The following CDH8 variants were observed in gnomAD, a reference collection of about 807,000 sequenced individuals.
CDH8 encodes cadherin-8.
A neutral mutation model predicts 68.1 loss-of-function variants in CDH8; 17 were observed. The observed-to-expected ratio is 0.25, with a 90% CI of 0.17 to 0.37. The LOEUF (loss-of-function observed/expected upper bound fraction) is 0.37, where lower values mean the gene tolerates loss of function less well. CDH8 is among the 10% of genes least tolerant of loss of function. CDH8 has a pLI of 1.00. For synonymous variants in CDH8, 372 were observed against 365.1 expected (o/e 1.02, Z -0.21); for missense variants, 763 against 999.3 (o/e 0.76, Z 3.19).
intron 8 of CDH8, among the ~76,000 whole-genome samples, chr16:61,737,605 C>A (rs1411474753): frequency 6.6e-6 from 1 of 152,026 alleles, no homozygotes; most frequent in Non-Finnish European, 1.5e-5. Context: ...ATATTAATTT[C>A]TAAATCATTA....
At chr16:61,960,059 G>GTA in intron 2 of CDH8, among the ~76,000 whole-genome samples, 5 of 132,566 alleles carry the variant, frequency 3.8e-5, no homozygotes, top group African/African-American at 8.4e-5. Context: ...ATGTATGTGT[G>GTA]TGTGTATACA....
At chr16:61,959,991 T>TAC (rs1567545499) in intron 2 of CDH8, among the ~76,000 whole-genome samples, 1 of 71,352 alleles carries the variant, frequency 1.4e-5, no homozygotes, top group African/African-American at 9.8e-5. Flanking sequence ...TGTGTATATA[T>TAC]ATATATATAT....
At chr16:61,749,891 A>C (rs1265387057) in intron 8 of CDH8, among the ~76,000 whole-genome samples, 1 of 152,062 alleles carries the variant, frequency 6.6e-6, no homozygotes, top group Non-Finnish European at 1.5e-5. Flanking sequence ...GCACCTTTTA[A>C]AATATATATA....
At chr16:61,666,928 A>G (rs1963691279) in intron 10 of CDH8, among the ~76,000 whole-genome samples, 1 of 152,076 alleles carries the variant, frequency 6.6e-6, no homozygotes, top group Non-Finnish European at 1.5e-5. Context: ...CAAATATTAT[A>G]GCATCCACAC....
At chr16:61,712,450 T>A (rs1964648409) in intron 10 of CDH8, among the ~76,000 whole-genome samples, 1 of 151,712 alleles carries the variant, frequency 6.6e-6, no homozygotes, top group South Asian at 2.1e-4. Context: ...CTGTGCGTTT[T>A]ATATGCAAAA....
At chr16:61,946,154 C>T (rs1306812320) in intron 2 of CDH8, among the ~76,000 whole-genome samples, 1 of 152,136 alleles carries the variant, frequency 6.6e-6, no homozygotes, top group African/African-American at 2.4e-5. Flanking sequence ...CATGCACACA[C>T]ACACAGAGGA....
chr16:61,995,670 C>A (rs1965794782), intron 2 of CDH8, among the ~76,000 whole-genome samples: 1 of 152,218 alleles, frequency 6.6e-6, no homozygotes, highest in African/African-American at 2.4e-5. Flanking sequence ...AGCCATGGCT[C>A]CCGGCCTACT....
At chr16:61,823,918 G>A (rs1962272013) in intron 5 of CDH8, among the ~76,000 whole-genome samples, 1 of 151,812 alleles carries the variant, frequency 6.6e-6, no homozygotes, top group African/African-American at 2.4e-5. Context: ...TATTTAAGGT[G>A]TACACTGTGA....
At chr16:61,715,409 T>C (rs1280218312) in intron 9 of CDH8, among the ~76,000 whole-genome samples, 1 of 151,570 alleles carries the variant, frequency 6.6e-6, no homozygotes, top group African/African-American at 2.4e-5. Flanking sequence ...TCTCTGAAAC[T>C]TCAATTTCTT....
At chr16:61,876,605 C>T (rs550942752) in intron 3 of CDH8, among the ~76,000 whole-genome samples, 134 of 152,140 alleles carry the variant, frequency 8.8e-4, no homozygotes, top group African/African-American at 3.0e-3. Context: ...GGGTTTGGCT[C>T]ATTTCTCTTC....
intron 10 of CDH8, among the ~76,000 whole-genome samples, chr16:61,699,661 G>A (rs1283872178): frequency 6.6e-6 from 1 of 152,128 alleles, no homozygotes; most frequent in Non-Finnish European, 1.5e-5. Flanking sequence ...TGCAACCACT[G>A]CCTCCTGGGT....
At chr16:61,928,583 T>G (rs909473483) in intron 2 of CDH8, among the ~76,000 whole-genome samples, 1 of 152,170 alleles carries the variant, frequency 6.6e-6, no homozygotes, top group South Asian at 2.1e-4. Flanking sequence ...AACCTCTTGA[T>G]TCTAACAGTG....
At chr16:61,661,447 A>C (rs1012384389) in intron 10 of CDH8, among the ~76,000 whole-genome samples, 1 of 151,922 alleles carries the variant, frequency 6.6e-6, no homozygotes, top group African/African-American at 2.4e-5. Flanking sequence ...AATTTGGGAC[A>C]CTCATAGACA....
chr16:61,681,984 A>C (rs1046216377), intron 10 of CDH8, among the ~76,000 whole-genome samples: 3 of 151,910 alleles, frequency 2.0e-5, no homozygotes, highest in African/African-American at 7.2e-5. Context: ...TGGGAAAATA[A>C]TCTCTCTAAG....
At chr16:61,756,628 C>G (rs1036009355) in intron 8 of CDH8, among the ~76,000 whole-genome samples, 1 of 152,140 alleles carries the variant, frequency 6.6e-6, no homozygotes, top group Admixed American at 6.5e-5. Context: ...AGTGTGCTAT[C>G]CCAGCAAATT....
rs535997080 is a variant in CDH8 at position 61,723,275 on chromosome 16, G to A, written c.1536+3819C>T. ...CACTGAAGTTCTATATTTTTCCTTC[G>A]TGTTTGGTTCTGAGTGTGGGGTTGT... On this transcript the variant is annotated intron_variant, in intron 9 of 11. Transcript: ENST00000577390. Among the ~76,000 whole-genome samples, 6 of 150,728 alleles carry A rather than the reference G, an allele frequency of 4.0e-5. No individual in the cohort carries two copies. The South Asian group carries it at 8.3e-4, about 21-fold the overall frequency.
intron 10 of CDH8, among the ~76,000 whole-genome samples, chr16:61,695,200 T>G (rs922583093): frequency 6.6e-6 from 1 of 152,060 alleles, no homozygotes; most frequent in African/African-American, 2.4e-5. Flanking sequence ...TTGACTGAGA[T>G]AGAATTAGAC....
chr16:61,743,691 T>A (rs1226125612), intron 8 of CDH8, among the ~76,000 whole-genome samples: 1 of 152,186 alleles, frequency 6.6e-6, no homozygotes, highest in East Asian at 1.9e-4. Flanking sequence ...TTCTGCTACT[T>A]TTTAATTTTA....
rs140623690 is a variant in CDH8 at position 61,698,558 on chromosome 16, A to C, written c.1654+15283T>G. ...CTCCTTTTTTCCCCTCAGGCTGCTA[A>C]GAAAACAAACAAATGTATTCCATAT... On this transcript the variant is annotated intron_variant, in intron 10 of 11. Transcript: ENST00000577390. Among the ~76,000 whole-genome samples, 55 of 152,338 alleles carry C rather than the reference A, an allele frequency of 3.6e-4. No homozygotes were observed. In the East Asian group the frequency reaches 9.3e-3, roughly 26 times the overall value.
Sources: gnomAD v4.1 joint callset for allele counts (sites outside exome capture counted in the v4.1 genomes callset) on GRCh38, gnomAD v4.1.1 for gene constraint, MANE v1.5 for transcripts, NCBI Gene and HGNC (gene_info 2026-07-23, HGNC 2026-07-21) for gene names.